The following CRY2 variants were observed in gnomAD, a reference collection of about 807,000 sequenced individuals.
The protein encoded by CRY2 is cryptochrome-2.
CRY2 carries 31 observed loss-of-function variants against 69.5 expected under a neutral mutation model. The ratio of observed to expected loss-of-function variants is 0.45; its 90% CI spans 0.34 to 0.60. The LOEUF (loss-of-function observed/expected upper bound fraction) is 0.60. Among genes scored for constraint, CRY2 ranks in the 20% least tolerant of loss-of-function variants. The pLI is 0.02. For synonymous variants in CRY2, 303 were observed against 312.2 expected (o/e 0.97, Z 0.31); for missense variants, 606 against 797.8 (o/e 0.76, Z 2.90).
intron 1 of CRY2, among the ~76,000 whole-genome samples, chr11:45,849,326 A>G (rs1590759807): frequency 6.6e-6 from 1 of 152,222 alleles, no homozygotes. Context: ...TCCTGAAGTC[A>G]GAGGCTGTGT....
rs755159907 is a variant in CRY2, at chr11:45,847,630, C to CGCGCTGCGT, written c.150_158dup (p.Arg51_Val53dup). On this transcript the variant is annotated inframe_insertion, in exon 1 of 12. Transcript: ENST00000616080. ...GCGTTGCTGGCGGCCGTGCGCGGGG[C>CGCGCTGCGT]GCGCTGCGTGCGCTGCGTTTACATT... The CGCGCTGCGT allele has an allele frequency of 1.2e-6, 2 of 1,602,118 alleles. No individual in the cohort carries two copies. The highest frequency in any genetic ancestry group is 8.5e-7 in the Non-Finnish European group (1 of 1,175,260).
At chr11:45,859,982 A>T (rs1277266345) in intron 3 of CRY2, among the ~76,000 whole-genome samples, 1 of 152,132 alleles carries the variant, frequency 6.6e-6, no homozygotes, top group Non-Finnish European at 1.5e-5. Context: ...GCAGCCGACC[A>T]TATATCTCCA....
At chr11:45,869,869 C>A in intron 7 of CRY2, 52 bp downstream of exon 7, 1 of 1,548,738 alleles carries the variant, frequency 6.5e-7, no homozygotes, top group South Asian at 1.2e-5. Context: ...TCAGGCCCGT[C>A]AAAGGGCAGC....
chr11:45,863,458 C>G (rs1344468343), intron 5 of CRY2, among the ~76,000 whole-genome samples: 1 of 151,936 alleles, frequency 6.6e-6, no homozygotes, highest in Non-Finnish European at 1.5e-5. Flanking sequence ...TGGACATATT[C>G]AGACTCAGTG....
intron 2 of CRY2, among the ~76,000 whole-genome samples, chr11:45,857,004 G>A (rs1174336489): frequency 6.6e-6 from 1 of 152,140 alleles, no homozygotes; most frequent in Non-Finnish European, 1.5e-5. Context: ...CTGTGGGACA[G>A]ACTGCCATCA....
chr11:45,881,828 C>T lies in CRY2; in HGVS notation c.*917C>T, dbSNP rs548058214. 2 of 152,380 alleles carry T rather than the reference C, an allele frequency of 1.3e-5. No homozygotes were observed. The highest frequency in any genetic ancestry group is 1.9e-4 in the East Asian group (1 of 5,186). The allele number at this position is 152,380 out of a possible 1,614,324, so 9.4% of individuals were successfully genotyped here. A position where few individuals can be genotyped will look rare whatever the true frequency, so the allele number is the denominator to read the frequency against. The stretch of plus-strand genomic sequence containing the variant: ...AGTGGCGTAAGGCCCCCTGGTTTCT[C>T]TGGCCACACTCCAAGGCACCACAGT... On this transcript the variant is annotated 3_prime_UTR_variant, in exon 12 of 12. Coordinates refer to ENST00000616080, the MANE Select transcript of CRY2 (RefSeq NM_021117.5).
intron 7 of CRY2, 27 bp downstream of exon 7, chr11:45,869,844 G>A (rs1255236943): frequency 1.3e-6 from 2 of 1,583,178 alleles, no homozygotes; most frequent in East Asian, 2.2e-5. Context: ...CGAAAAGCTG[G>A]CCTGTACCCT....
rs528317938 is a variant in CRY2 at position 45,860,884 on chromosome 11, A to G, written c.504A>G (p.Thr168=). The change falls in exon 4 of 12, where the codon ACA becomes ACG. Residue 168 remains threonine, a synonymous_variant. Coordinates refer to ENST00000616080, the MANE Select transcript of CRY2 (RefSeq NM_021117.5). ...IELNGQKPPL[T]YKRFQAIISR... Reference sequence around the variant, plus strand: ...TGAATGGGCAGAAGCCACCCCTTACATACAAGCGCTTTCAGGCCATCATCA... The same window carrying G: ...TGAATGGGCAGAAGCCACCCCTTACGTACAAGCGCTTTCAGGCCATCATCA... 2.4e-5 allele frequency: 38 copies of G among 1,613,990 alleles called. No individual in the cohort carries two copies. The highest frequency in any genetic ancestry group is 2.7e-5 in the Non-Finnish European group (32 of 1,180,036).
intron 11 of CRY2, among the ~76,000 whole-genome samples, chr11:45,875,795 G>T (rs1317553565): frequency 6.6e-6 from 1 of 152,148 alleles, no homozygotes; most frequent in African/African-American, 2.4e-5. Flanking sequence ...GAGGCACCTG[G>T]GCCTAAAGAT....
chr11:45,871,217 A>C (rs750551536), intron 10 of CRY2, among the ~76,000 whole-genome samples: 11 of 152,248 alleles, frequency 7.2e-5, no homozygotes, highest in Non-Finnish European at 1.0e-4. Context: ...GACCCACGTC[A>C]TGAGCAGGAG....
rs2086263089 is a variant in CRY2 at position 45,858,790 on chromosome 11, G to A, written c.384G>A (p.Arg128=). The A allele has an allele frequency of 6.2e-7, 1 of 1,614,198 alleles. No homozygotes were observed. The highest frequency in any genetic ancestry group is 1.3e-5 in the African/African-American group (1 of 75,050). ...EYDSEPFGKE[R]DAAIMKMAKE... ...ACTCTGAACCCTTTGGGAAAGAACG[G>A]GATGCAGCCATCATGAAGATGGCCA... Residue 128 remains arginine, a synonymous_variant, in exon 3 of 12, where the codon CGG becomes CGA. Coordinates refer to ENST00000616080, the MANE Select transcript of CRY2 (RefSeq NM_021117.5).
At position 45,869,608 on chromosome 11, in the gene CRY2, G is replaced by A. The variant is rs745854829; in HGVS notation, c.985G>A (p.Glu329Lys). ...CAACAACCCCAGGTTTGACCGCATG[G>A]AGGGGAACCCCATCTGCATCCAGAT... ...ATNNPRFDRM[E>K]GNPICIQIPW... is the part of the protein sequence containing the mutation. Residue 329 changes from glutamate (E) to lysine (K), a missense_variant, in exon 7 of 12, where the codon GAG becomes AAG. Transcript: ENST00000616080. 6.2e-7 allele frequency: 1 copy of A among 1,614,250 alleles called. No individual in the cohort carries two copies.
In CRY2 at chr11:45,858,820, G is replaced by T; in HGVS notation, c.414G>T (p.Glu138Asp). 1.2e-6 allele frequency: 2 copies of T among 1,614,202 alleles called. No individual in the cohort carries two copies. Among genetic ancestry groups the T allele is most frequent in the Non-Finnish European group, 1.7e-6 (2 of 1,180,040 alleles). The change falls in exon 3 of 12, where the codon GAG becomes GAT. Residue 138 changes from glutamate (E) to aspartate (D), a missense_variant. Glu to Asp is a conservative substitution (Grantham distance 45, BLOSUM62 2). Around this residue, in one of 5 missense-constraint regions of CRY2, gnomAD observed 382 missense variants for 508.9 expected, o/e 0.75. Transcript: ENST00000616080. ...RDAAIMKMAKEAGVEVVTENS... is the reference protein window; with the variant it reads ...RDAAIMKMAKDAGVEVVTENS... Reference sequence around the variant, plus strand: ...CAGCCATCATGAAGATGGCCAAGGAGGCTGGTGTGGAAGTAGTGACGGAGA... The same window carrying T: ...CAGCCATCATGAAGATGGCCAAGGATGCTGGTGTGGAAGTAGTGACGGAGA...
At chr11:45,862,354 T>G (rs1262465010) in intron 5 of CRY2, among the ~76,000 whole-genome samples, 7 of 152,320 alleles carry the variant, frequency 4.6e-5, no homozygotes, top group African/African-American at 1.7e-4. Flanking sequence ...GTCACTAGGC[T>G]CAGCATTTCT....
intron 1 of CRY2, among the ~76,000 whole-genome samples, chr11:45,848,600 A>G (rs1012508693): frequency 1.3e-5 from 2 of 152,164 alleles, no homozygotes; most frequent in African/African-American, 4.8e-5. Context: ...AAAAAGATGA[A>G]CAGGTCGTTA....
At chr11:45,850,930 A>C (rs1197315592) in intron 1 of CRY2, among the ~76,000 whole-genome samples, 1 of 152,154 alleles carries the variant, frequency 6.6e-6, no homozygotes, top group Admixed American at 6.5e-5. Flanking sequence ...TGCAACCAAG[A>C]AATACACATA....
chr11:45,878,920 TAAAAAAAAAAA>T (rs57461093), intron 11 of CRY2, among the ~76,000 whole-genome samples: 12 of 49,364 alleles, frequency 2.4e-4, no homozygotes, highest in Admixed American at 6.1e-4. Context: ...CTCCATCTAT[TAAAAAAAAAAA>T]AAAAAAAAAA....
intron 4 of CRY2, 100 bp from the exon 5 acceptor site, chr11:45,861,960 T>C (rs2086291356): frequency 4.0e-6 from 4 of 1,005,554 alleles, no homozygotes; most frequent in Non-Finnish European, 6.0e-6. Context: ...ACCGAGACAC[T>C]GTGGTTCAAT....
At position 45,880,944 on chromosome 11, in the gene CRY2, TG is replaced by T. The variant is rs1443720250; in HGVS notation, c.*36del. On this transcript the variant is annotated 3_prime_UTR_variant, in exon 12 of 12. Transcript: ENST00000616080. The stretch of plus-strand genomic sequence containing the variant: ...GAGCCCTTGCTCCGTGAGCAAAGCC[TG>T]GGTGCCCAAGCAGCCACCGCAGCAG... 6.6e-6 allele frequency: 1 copy of T among 152,330 alleles called. No individual in the cohort carries two copies. Among genetic ancestry groups the T allele is most frequent in the Non-Finnish European group, 1.5e-5 (1 of 68,132 alleles). The allele number at this position is 152,330 out of a possible 1,614,324, so 9.4% of individuals were successfully genotyped here.
Sources: allele counts gnomAD v4.1 joint callset (sites outside exome capture counted in the v4.1 genomes callset), GRCh38; gene constraint gnomAD v4.1.1; regional missense constraint gnomAD v4.1.1; transcripts MANE v1.5; gene names NCBI Gene and HGNC (gene_info 2026-07-23, HGNC 2026-07-21).